The following SMARCA2 variants were observed in gnomAD, a reference collection of about 807,000 sequenced individuals.
SMARCA2 encodes the protein SWI/SNF-related matrix-associated actin-dependent regulator of chromatin subfamily A member 2.
In SMARCA2, 61 loss-of-function variants were observed where a neutral mutation model predicts 199.8. The observed-to-expected ratio is 0.31, with a 90% CI of 0.25 to 0.38. The LOEUF (loss-of-function observed/expected upper bound fraction) is 0.38. Ranked by LOEUF, SMARCA2 falls within the 10% of genes least tolerant of loss-of-function variation. SMARCA2 has a pLI of 1.00. For missense variants in SMARCA2, 1,344 were observed against 2,012.2 expected, an observed-to-expected ratio of 0.67 and a Z score of 6.35; for synonymous variants, 935 against 732.0, an observed-to-expected ratio of 1.28 and a Z score of -4.48.
rs995847250 is a variant in SMARCA2 at position 2,039,099 on chromosome 9, A to G, written c.356-367A>G. On this transcript the variant is annotated intron_variant, in intron 3 of 33. Coordinates refer to ENST00000349721, the MANE Select transcript of SMARCA2 (RefSeq NM_003070.5). The surrounding 1 kb of genome is among the most constrained non-coding windows in gnomAD (Gnocchi z 4.8). ...TCGAATTGAGATGTCCTTTAAGTGT[A>G]AAATATTTAGTGGATTTCAAAGACT... is the stretch of plus-strand genomic sequence containing the variant. 6.6e-6 allele frequency among the ~76,000 whole-genome samples: 1 copy of G among 152,186 alleles called. No homozygotes were observed. Among genetic ancestry groups the G allele is most frequent in the African/African-American group, 2.4e-5 (1 of 41,436 alleles).
intron 24 of SMARCA2, among the ~76,000 whole-genome samples, chr9:2,113,567 C>G (rs1004633060): frequency 6.6e-6 from 1 of 152,208 alleles, no homozygotes; most frequent in African/African-American, 2.4e-5. Flanking sequence ...CTTAGGGACT[C>G]AAGCTCACAT....
At chr9:2,084,995 A>C (rs1821740197) in intron 17 of SMARCA2, among the ~76,000 whole-genome samples, 1 of 152,142 alleles carries the variant, frequency 6.6e-6, no homozygotes, top group African/African-American at 2.4e-5. Context: ...TTTTGAAAGC[A>C]CTATAATCTG....
intron 19 of SMARCA2, 70 bp from the exon 20 acceptor site, chr9:2,096,585 ACT>A: frequency 1.1e-6 from 1 of 903,432 alleles, no homozygotes; most frequent in Non-Finnish European, 1.9e-6. Context: ...AGTGACACTG[ACT>A]CAGCAGTCTT....
chr9:2,165,417 G>T (rs888221756), intron 28 of SMARCA2, among the ~76,000 whole-genome samples: 2 of 152,052 alleles, frequency 1.3e-5, no homozygotes, highest in Admixed American at 6.6e-5. Flanking sequence ...AAAAAGGAGG[G>T]TGCTTCTAAA....
At position 2,047,376 on chromosome 9, in the gene SMARCA2, G is replaced by C; in HGVS notation, c.938G>C (p.Gly313Ala). Residue 313 changes from glycine to alanine, a missense_variant, in exon 5 of 34, where the codon GGG becomes GCG. Gly to Ala is a moderately conservative substitution (Grantham distance 60, BLOSUM62 0). Around this residue, in one of 18 missense-constraint regions of SMARCA2, gnomAD observed 155 missense variants for 260.0 expected, o/e 0.60. Transcript: ENST00000349721. Reference protein sequence around the residue: ...PGPSVPQPAPGQPSPVLQLQQ... With the variant: ...PGPSVPQPAPAQPSPVLQLQQ... ...CCCTCAGTGCCGCAGCCGGCCCCGG[G>C]GCAGCCCTCGCCCGTCCTCCAGCTG... is the stretch of plus-strand genomic sequence containing the variant. 6.4e-7 allele frequency: 1 copy of C among 1,555,976 alleles called. No homozygotes were observed. The highest frequency in any genetic ancestry group is 8.7e-7 in the Non-Finnish European group (1 of 1,152,210).
intron 27 of SMARCA2, among the ~76,000 whole-genome samples, chr9:2,148,570 C>T (rs1824883650): frequency 6.6e-6 from 1 of 151,334 alleles, no homozygotes; most frequent in Admixed American, 6.6e-5. Flanking sequence ...ATACATGTGC[C>T]ATGTTGGTGT....
intron 27 of SMARCA2, among the ~76,000 whole-genome samples, chr9:2,158,046 C>T (rs904590176): frequency 6.7e-6 from 1 of 149,878 alleles, no homozygotes; most frequent in African/African-American, 2.5e-5. Flanking sequence ...ACGCCGCTTT[C>T]ATAAGAACTA....
In SMARCA2 at chr9:2,039,029, C is replaced by T. The variant is rs886244878; in HGVS notation, c.356-437C>T. On this transcript the variant is annotated intron_variant, in intron 3 of 33. Transcript: ENST00000349721. This position sits in a 1 kb window ranked among gnomAD's most constrained non-coding sequence, Gnocchi z 4.8. Reference sequence around the variant, plus strand: ...TGAACAACAACCACTAACGGTTTACCTTCTAGGACACATGTAGCTATTGAT... The same window carrying T: ...TGAACAACAACCACTAACGGTTTACTTTCTAGGACACATGTAGCTATTGAT... Among the ~76,000 whole-genome samples, 3 of 152,234 alleles carry T rather than the reference C, an allele frequency of 2.0e-5. No homozygotes were observed. Among genetic ancestry groups the T allele is most frequent in the African/African-American group, 7.2e-5 (3 of 41,558 alleles).
At chr9:2,118,894 CA>C (rs552499616) in intron 25 of SMARCA2, among the ~76,000 whole-genome samples, 9 of 152,164 alleles carry the variant, frequency 5.9e-5, no homozygotes, top group Middle Eastern at 3.4e-3. Context: ...CAATCATTAA[CA>C]ATAATACCCA....
In SMARCA2 at chr9:2,156,658, C is replaced by T. The variant is rs1212360508; in HGVS notation, c.3982-5028C>T. 3.3e-5 allele frequency among the ~76,000 whole-genome samples: 5 copies of T among 151,984 alleles called. No homozygotes were observed. The East Asian group carries it at 7.7e-4, about 23-fold the overall frequency. The stretch of plus-strand genomic sequence containing the variant: ...GTTGGTTAGGCTGGTCTCAAACTCC[C>T]TACCTCAGGTGATTGACCTGCTTTG... On this transcript the variant is annotated intron_variant, in intron 27 of 33. Transcript: ENST00000349721.
chr9:2,160,630 T>TATGATTAG (rs1292056494), intron 27 of SMARCA2: 2 of 702,184 alleles, frequency 2.8e-6, no homozygotes, highest in Admixed American at 4.0e-5. Flanking sequence ...GTAATTGCCT[T>TATGATTAG]ATGATTAGAG....
At chr9:2,163,862 A>G (rs1001526456) in intron 28 of SMARCA2, among the ~76,000 whole-genome samples, 2 of 152,142 alleles carry the variant, frequency 1.3e-5, no homozygotes, top group African/African-American at 4.8e-5. Context: ...GGTGGATGAC[A>G]TACTGCCAAC....
chr9:2,053,461 G>A (rs1398950975), intron 5 of SMARCA2, among the ~76,000 whole-genome samples: 1 of 152,042 alleles, frequency 6.6e-6, no homozygotes, highest in Non-Finnish European at 1.5e-5. Flanking sequence ...TCCAATCTTG[G>A]CCCCCTTCTT....
At chr9:2,067,851 A>C (rs754896736) in intron 9 of SMARCA2, among the ~76,000 whole-genome samples, 37 of 152,222 alleles carry the variant, frequency 2.4e-4, no homozygotes, top group Admixed American at 5.2e-4. Context: ...GGCAGTTTTT[A>C]GATAACAATC....
chr9:2,182,279 T>C (rs1827090518), intron 31 of SMARCA2, 37 bp downstream of exon 31: 1 of 1,216,192 alleles, frequency 8.2e-7, no homozygotes, highest in Non-Finnish European at 1.2e-6. Context: ...TTCTTAACTG[T>C]AAATGTGCCC....
In SMARCA2 at chr9:2,029,234, A is replaced by C. The variant is rs746149405; in HGVS notation, c.212A>C (p.His71Pro). Reference sequence around the variant, plus strand: ...ACAGACTTCCCACAGGAAGGCATGCATCAAATGCATAAGGTAAGAGTTTGT... The same window carrying C: ...ACAGACTTCCCACAGGAAGGCATGCCTCAAATGCATAAGGTAAGAGTTTGT... ...GSTDFPQEGM[H>P]QMHKPIDGIH... is the part of the protein sequence containing the mutation. The change falls in exon 2 of 34, where the codon CAT (histidine) becomes CCT (proline). Residue 71 changes from histidine (H) to proline (P), a missense_variant. His to Pro is a moderately conservative substitution (Grantham distance 77, BLOSUM62 -2). Around this residue, in one of 18 missense-constraint regions of SMARCA2, gnomAD observed 275 missense variants for 247.5 expected, o/e 1.11. Coordinates refer to ENST00000349721, the MANE Select transcript of SMARCA2 (RefSeq NM_003070.5). The C allele has an allele frequency of 1.2e-6, 2 of 1,611,478 alleles. No individual in the cohort carries two copies. Among genetic ancestry groups the C allele is most frequent in the Non-Finnish European group, 1.7e-6 (2 of 1,178,654 alleles).
At chr9:2,125,286 T>C (rs565470064) in intron 27 of SMARCA2, among the ~76,000 whole-genome samples, 2 of 152,356 alleles carry the variant, frequency 1.3e-5, no homozygotes, top group East Asian at 1.9e-4. Context: ...CAGTCAAATA[T>C]TCCAGTGACC....
At chr9:2,022,178 A>G (rs942079262) in intron 1 of SMARCA2, 3 of 152,242 alleles carry the variant, frequency 2.0e-5, no homozygotes, top group South Asian at 2.1e-4. Flanking sequence ...GTTTTGAACA[A>G]GGGAATACAT....
intron 32 of SMARCA2, among the ~76,000 whole-genome samples, chr9:2,187,086 A>G (rs7041830): frequency 0.12 from 17,538 of 152,108 alleles, 1,087 homozygotes; most frequent in East Asian, 0.17. Context: ...ATAATTGTCA[A>G]ACTGAGTTGG....
Sources: allele counts gnomAD v4.1 joint callset (sites outside exome capture counted in the v4.1 genomes callset), GRCh38; gene constraint gnomAD v4.1.1; regional missense constraint gnomAD v4.1.1; non-coding constraint Gnocchi (gnomAD v3.1); transcripts MANE v1.5; gene names NCBI Gene and HGNC (gene_info 2026-07-23, HGNC 2026-07-21).